Variants in RBL1 observed in about 807,000 individuals in gnomAD.
The protein encoded by RBL1 is RB transcriptional corepressor like 1.
A neutral mutation model predicts 123.0 loss-of-function variants in RBL1; 82 were observed. That is an observed-to-expected ratio of 0.67 (90% confidence interval 0.56 to 0.80). The LOEUF is 0.80. RBL1 is among the 30% of genes least tolerant of loss of function. The probability of loss-of-function intolerance (pLI) is 0.00; values close to 1 mark genes in which losing one functional copy is unlikely to be tolerated. For missense variants in RBL1, 1,171 were observed against 1,299.6 expected, an observed-to-expected ratio of 0.90 and a Z score of 1.52; for synonymous variants, 405 against 441.3, an observed-to-expected ratio of 0.92 and a Z score of 1.03.
chr20:37,066,754 C>T lies in RBL1; in HGVS notation c.816G>A (p.Lys272=). Residue 272 remains lysine (K), a synonymous_variant, in exon 6 of 22, where the codon AAG becomes AAA. Transcript: ENST00000373664. The stretch of plus-strand genomic sequence containing the variant: ...TGTCAAAGAGTTTTGAAATATATGG[C>T]TTAAAGTAGTGCTCCTTTATTCCTT... ...EAKGIKEHYF[K]PYISKLFDRK... is the part of the protein sequence containing the mutation. The T allele has an allele frequency of 6.2e-7, 1 of 1,613,318 alleles. No homozygotes were observed.
At chr20:37,005,937 C>T (rs1476165676) in intron 20 of RBL1, among the ~76,000 whole-genome samples, 1 of 138,700 alleles carries the variant, frequency 7.2e-6, no homozygotes, top group African/African-American at 2.6e-5. Context: ...GCTCTGTTGC[C>T]CAGACTGGAG....
intron 16 of RBL1, among the ~76,000 whole-genome samples, chr20:37,031,642 C>T (rs114756914): frequency 2.6e-5 from 4 of 152,340 alleles, no homozygotes; most frequent in East Asian, 1.9e-4. Flanking sequence ...GAAAATGGTA[C>T]GGTGGTTCCT....
chr20:37,036,077 C>A (rs1332371146), intron 14 of RBL1, among the ~76,000 whole-genome samples: 1 of 152,082 alleles, frequency 6.6e-6, no homozygotes, highest in African/African-American at 2.4e-5. Flanking sequence ...CTGTGTTGAT[C>A]AAAAATAAAG....
intron 21 of RBL1, among the ~76,000 whole-genome samples, chr20:37,000,021 G>A (rs957873613): frequency 6.6e-5 from 10 of 151,310 alleles, no homozygotes; most frequent in Non-Finnish European, 1.5e-4. Context: ...GTCTCTGCCC[G>A]GCCGCCATCC....
chr20:37,092,650 A>G (rs1293847678), intron 1 of RBL1, among the ~76,000 whole-genome samples: 1 of 151,786 alleles, frequency 6.6e-6, no homozygotes, highest in Non-Finnish European at 1.5e-5. Flanking sequence ...GTGAGCCACC[A>G]TGCCCAGCCT....
intron 21 of RBL1, among the ~76,000 whole-genome samples, chr20:37,002,125 T>C (rs929119312): frequency 6.6e-6 from 1 of 151,922 alleles, no homozygotes; most frequent in African/African-American, 2.4e-5. Flanking sequence ...CTCTGCCTCC[T>C]GGGCTCAAGC....
At chr20:37,044,845 T>A (rs1389300856) in intron 12 of RBL1, among the ~76,000 whole-genome samples, 1 of 152,186 alleles carries the variant, frequency 6.6e-6, no homozygotes, top group African/African-American at 2.4e-5. Context: ...GTGGGAGAAG[T>A]CAGGTCTTGG....
At chr20:37,059,799 G>A (rs1283378111) in intron 9 of RBL1, among the ~76,000 whole-genome samples, 2 of 151,814 alleles carry the variant, frequency 1.3e-5, no homozygotes, top group African/African-American at 4.8e-5. Flanking sequence ...AGGAAAGAAG[G>A]TTCTCTGATC....
At chr20:37,037,760 C>T (rs1215804576) in intron 14 of RBL1, among the ~76,000 whole-genome samples, 1 of 151,776 alleles carries the variant, frequency 6.6e-6, no homozygotes, top group East Asian at 1.9e-4. Context: ...ACTGCAACCT[C>T]CGCCTCCTGG....
chr20:37,080,221 A>C (rs1054043544), intron 2 of RBL1, among the ~76,000 whole-genome samples: 10 of 150,014 alleles, frequency 6.7e-5, no homozygotes, highest in Non-Finnish European at 1.0e-4. Context: ...TGCAGTGGCA[A>C]TCTTGGCTCA....
intron 19 of RBL1, 107 bp downstream of exon 19, chr20:37,018,172 C>T (rs1335916974): frequency 1.6e-6 from 2 of 1,275,488 alleles, no homozygotes; most frequent in Admixed American, 3.6e-5. Flanking sequence ...GCATTGTCCA[C>T]CTCACCTCCT....
chr20:37,004,395 C>G (rs1752760336), intron 20 of RBL1, among the ~76,000 whole-genome samples: 1 of 150,016 alleles, frequency 6.7e-6, no homozygotes, highest in Admixed American at 6.6e-5. Flanking sequence ...TTTCCTGGAT[C>G]TTTCAGGAAG....
intron 16 of RBL1, among the ~76,000 whole-genome samples, chr20:37,027,122 G>T (rs2064438291): frequency 6.6e-6 from 1 of 151,910 alleles, no homozygotes; most frequent in South Asian, 2.1e-4. Context: ...GAGGTGGGAG[G>T]ATCGCTTGAG....
intron 2 of RBL1, among the ~76,000 whole-genome samples, chr20:37,080,732 T>C (rs1425301880): frequency 6.6e-6 from 1 of 152,162 alleles, no homozygotes; most frequent in Non-Finnish European, 1.5e-5. Flanking sequence ...GTGCTGGGAT[T>C]ATAGGTGTGA....
In RBL1 at chr20:37,067,140, A is replaced by C. The variant is rs376513731; in HGVS notation, c.557-19T>G. 1.2e-4 allele frequency: 186 copies of C among 1,571,752 alleles called. 3 individuals carry two copies. The South Asian group carries it at 1.6e-3, about 14-fold the overall frequency. ...AAATTACCTTTATAAGGGAAAAAAA[A>C]AAAAAAAAGACACAAAAACCAGAAA... On this transcript the variant is annotated intron_variant, in intron 4 of 21. Coordinates refer to ENST00000373664, the MANE Select transcript of RBL1 (RefSeq NM_002895.5).
rs1205524942 is a variant in RBL1 at position 37,016,021 on chromosome 20, G to GTT, written c.2722+2256_2722+2257dup. Among the ~76,000 whole-genome samples the GTT allele has an allele frequency of 4.8e-4, 54 of 112,510 alleles. 1 individual carries two copies. The highest frequency in any genetic ancestry group is 7.7e-4 in the African/African-American group (23 of 30,016). 73.8% of individuals were successfully genotyped at this position (112,510 alleles called of 152,430 possible). A position where few individuals can be genotyped will look rare whatever the true frequency, so the allele number is the denominator to read the frequency against. ...CAGGCGTGAGCCACCGTGCCCAGCG[G>GTT]TTTTTTTTTTTTTTTTTTTTTCTTG... On this transcript the variant is annotated intron_variant, in intron 19 of 21. Transcript: ENST00000373664.
intron 19 of RBL1, among the ~76,000 whole-genome samples, chr20:37,008,295 T>A (rs1156948288): frequency 6.6e-6 from 1 of 152,190 alleles, no homozygotes; most frequent in Admixed American, 6.5e-5. Flanking sequence ...GTAAAGCATA[T>A]CCTGAGAGGT....
At chr20:37,067,635 T>C (rs1219462777) in intron 3 of RBL1, among the ~76,000 whole-genome samples, 2 of 150,538 alleles carry the variant, frequency 1.3e-5, no homozygotes, top group Admixed American at 1.3e-4. Flanking sequence ...CCAGACGGGG[T>C]GGTGCACACC....
At position 36,999,886 on chromosome 20, in the gene RBL1, G is replaced by A. The variant is rs376192219; in HGVS notation, c.3037-957C>T. On this transcript the variant is annotated intron_variant, in intron 21 of 21. Transcript: ENST00000373664. ...GCCTGCCTTGGCCCCGCAAAGTGCCGAGATTGCAGACTCTGCCCGGCCGCC... is the reference window on the plus strand; with the variant it reads ...GCCTGCCTTGGCCCCGCAAAGTGCCAAGATTGCAGACTCTGCCCGGCCGCC... Among the ~76,000 whole-genome samples the A allele has an allele frequency of 2.2e-4, 34 of 152,316 alleles. No individual in the cohort carries two copies. The East Asian group carries it at 2.9e-3, about 13-fold the overall frequency.
Sources: gnomAD v4.1 joint callset for allele counts (sites outside exome capture counted in the v4.1 genomes callset) on GRCh38, gnomAD v4.1.1 for gene constraint, MANE v1.5 for transcripts, NCBI Gene and HGNC (gene_info 2026-07-23, HGNC 2026-07-21) for gene names.